KIAA0408: variants seen among roughly 807,000 people sequenced by gnomAD.
KIAA0408 encodes the protein uncharacterized protein KIAA0408.
A neutral mutation model predicts 60.9 loss-of-function variants in KIAA0408; 51 were observed. That is an observed-to-expected ratio of 0.84 (90% CI 0.67 to 1.06). KIAA0408 has a LOEUF of 1.06. Ranked by LOEUF, KIAA0408 falls within the 50% of genes least tolerant of loss-of-function variation. The pLI, the probability that KIAA0408 is intolerant of heterozygous loss-of-function variation, is 0.00. For missense variants in KIAA0408, 787 were observed against 833.9 expected, an observed-to-expected ratio of 0.94 and a Z score of 0.69; for synonymous variants, 304 against 282.4, an observed-to-expected ratio of 1.08 and a Z score of -0.77.
intron 4 of KIAA0408, among the ~76,000 whole-genome samples, chr6:127,449,122 C>T (rs915499786): frequency 3.9e-5 from 6 of 152,080 alleles, no homozygotes; most frequent in African/African-American, 7.2e-5. Context: ...ATAAGCAAAA[C>T]GCCACACTGT....
chr6:127,447,107 A>G lies in KIAA0408; in HGVS notation c.1212T>C (p.Asp404=). ...IPDHPAKSHP[D]LHVSNDCSSS... is the part of the protein sequence containing the mutation. ...AGCTACAGTCATTACTTACATGAAGATCAGGATGAGATTTAGCAGGGTGAT... is the reference window on the plus strand; with the variant it reads ...AGCTACAGTCATTACTTACATGAAGGTCAGGATGAGATTTAGCAGGGTGAT... Residue 404 remains aspartate (D), a synonymous_variant, in exon 5 of 6, where the codon GAT becomes GAC. Transcript: ENST00000483725. The G allele has an allele frequency of 6.2e-7, 1 of 1,613,936 alleles. No individual in the cohort carries two copies. The highest frequency in any genetic ancestry group is 8.5e-7 in the Non-Finnish European group (1 of 1,179,988).
At chr6:127,455,303 C>A (rs1276158770) in intron 1 of KIAA0408, among the ~76,000 whole-genome samples, 1 of 152,118 alleles carries the variant, frequency 6.6e-6, no homozygotes, top group Non-Finnish European at 1.5e-5. Context: ...GGACAAAGAT[C>A]CCAACAGTCA....
chr6:127,453,079 A>C (rs1773329613), intron 2 of KIAA0408, among the ~76,000 whole-genome samples: 3 of 152,114 alleles, frequency 2.0e-5, no homozygotes, highest in African/African-American at 7.2e-5. Flanking sequence ...TTAAAATAAC[A>C]ACTTTGGTAA....
intron 2 of KIAA0408, chr6:127,451,335 T>C (rs1332022725): frequency 4.4e-6 from 2 of 455,524 alleles, no homozygotes; most frequent in Admixed American, 4.7e-5. Context: ...ATATACAGTG[T>C]ATTTATTTTT....
rs1224837328 is a variant in KIAA0408 at position 127,447,166 on chromosome 6, G to A, written c.1153C>T (p.Pro385Ser). 2.5e-6 allele frequency: 4 copies of A among 1,612,926 alleles called. No homozygotes were observed. Among genetic ancestry groups the A allele is most frequent in the African/African-American group, 2.7e-5 (2 of 74,844 alleles). Residue 385 changes from proline (P) to serine (S), a missense_variant, in exon 5 of 6, where the codon CCC becomes TCC. Pro to Ser is a moderately conservative substitution (Grantham distance 74, BLOSUM62 -1). Coordinates refer to ENST00000483725, the MANE Select transcript of KIAA0408 (RefSeq NM_014702.5). ...ACCATTTCATATTTTGGATTACTGG[G>A]GGTAGAGCAGGTTTTCTGAAACCAC... Reference protein sequence around the residue: ...TSWFQKTCSTPSNPKYEMVIP... With the variant: ...TSWFQKTCSTSSNPKYEMVIP...
chr6:127,447,593 A>G lies in KIAA0408; in HGVS notation c.726T>C (p.Asn242=), dbSNP rs1375825503. 1.2e-6 allele frequency: 2 copies of G among 1,613,192 alleles called. No homozygotes were observed. The highest frequency in any genetic ancestry group is 2.2e-5 in the South Asian group (2 of 90,886). The change falls in exon 5 of 6, where the codon AAT becomes AAC. Residue 242 remains asparagine (N), a synonymous_variant. Coordinates refer to ENST00000483725, the MANE Select transcript of KIAA0408 (RefSeq NM_014702.5). Reference sequence around the variant, plus strand: ...TTTTCGTAGAATTGCTCTGGAGCACATTGGTACAGCTCAGATTCTTCCTGT... The same window carrying G: ...TTTTCGTAGAATTGCTCTGGAGCACGTTGGTACAGCTCAGATTCTTCCTGT... ...QKNRKNLSCT[N]VLQSNSTKKC... is the part of the protein sequence containing the mutation.
At chr6:127,445,997 C>A (rs1439825620) in intron 5 of KIAA0408, among the ~76,000 whole-genome samples, 1 of 151,926 alleles carries the variant, frequency 6.6e-6, no homozygotes, top group African/African-American at 2.4e-5. Flanking sequence ...AATGACTGAA[C>A]CAATCATAGT....
At chr6:127,445,761 C>G (rs1315818522) in intron 5 of KIAA0408, among the ~76,000 whole-genome samples, 2 of 151,842 alleles carry the variant, frequency 1.3e-5, no homozygotes, top group Non-Finnish European at 2.9e-5. Context: ...TAGACAGGAA[C>G]AAAAAAAGAT....
At position 127,440,796 on chromosome 6, in the gene KIAA0408, A is replaced by G. The variant is rs1562366946; in HGVS notation, c.*3313T>C. 1.3e-5 allele frequency: 2 copies of G among 152,280 alleles called. No homozygotes were observed. Among genetic ancestry groups the G allele is most frequent in the Non-Finnish European group, 2.9e-5 (2 of 68,040 alleles). 9.4% of individuals were successfully genotyped at this position (152,280 alleles called of 1,614,324 possible). A position where few individuals can be genotyped will look rare whatever the true frequency, so the allele number is the denominator to read the frequency against. ...TCAAAGAAGACTTTTATCAGACTCA[A>G]TTAGCAGTTAAATGGGTAGAGAGAG... On this transcript the variant is annotated 3_prime_UTR_variant, in exon 6 of 6. Coordinates refer to ENST00000483725, the MANE Select transcript of KIAA0408 (RefSeq NM_014702.5).
intron 2 of KIAA0408, 109 bp from the exon 3 acceptor site, chr6:127,450,461 T>C (rs1406196395): frequency 1.4e-6 from 2 of 1,425,954 alleles, no homozygotes; most frequent in Admixed American, 2.9e-5. Flanking sequence ...TATTAAAATA[T>C]ACTTCCTGGG....
intron 4 of KIAA0408, among the ~76,000 whole-genome samples, chr6:127,447,973 T>A (rs932465697): frequency 6.6e-6 from 1 of 152,160 alleles, no homozygotes; most frequent in African/African-American, 2.4e-5. Context: ...TCAAACTCTT[T>A]CCAAACTTGT....
intron 1 of KIAA0408, among the ~76,000 whole-genome samples, chr6:127,456,789 G>C (rs965059991): frequency 6.6e-6 from 1 of 151,970 alleles, no homozygotes; most frequent in Non-Finnish European, 1.5e-5. Context: ...AGTGGTGGGG[G>C]GGGGGCATAG....
At chr6:127,444,350 T>A in intron 5 of KIAA0408, 68 bp from the exon 6 acceptor site, 1 of 1,239,804 alleles carries the variant, frequency 8.1e-7, no homozygotes, top group Non-Finnish European at 1.1e-6. Flanking sequence ...ATATGATGGG[T>A]CTCAACTATA....
At position 127,441,060 on chromosome 6, in the gene KIAA0408, A is replaced by G. The variant is rs1773100974; in HGVS notation, c.*3049T>C. The G allele has an allele frequency of 6.6e-6, 1 of 152,218 alleles. No individual in the cohort carries two copies. The highest frequency in any genetic ancestry group is 6.5e-5 in the Admixed American group (1 of 15,282). 9.4% of individuals were successfully genotyped at this position (152,218 alleles called of 1,614,324 possible). On this transcript the variant is annotated 3_prime_UTR_variant, in exon 6 of 6. Coordinates refer to ENST00000483725, the MANE Select transcript of KIAA0408 (RefSeq NM_014702.5). Reference sequence around the variant, plus strand: ...GCCACAGACAGTTGTTTTTACACCTACTTTATTTGATAGCTTCTAATGGCT... The same window carrying G: ...GCCACAGACAGTTGTTTTTACACCTGCTTTATTTGATAGCTTCTAATGGCT...
chr6:127,440,183 T>C lies in KIAA0408; in HGVS notation c.*3926A>G, dbSNP rs900602843. The C allele has an allele frequency of 2.0e-5, 3 of 152,192 alleles. No homozygotes were observed. Among genetic ancestry groups the C allele is most frequent in the Admixed American group, 1.3e-4 (2 of 15,278 alleles). The allele number at this position is 152,192 out of a possible 1,614,324, so 9.4% of individuals were successfully genotyped here. A position where few individuals can be genotyped will look rare whatever the true frequency, so the allele number is the denominator to read the frequency against. On this transcript the variant is annotated 3_prime_UTR_variant, in exon 6 of 6. Coordinates refer to ENST00000483725, the MANE Select transcript of KIAA0408 (RefSeq NM_014702.5). ...AATTATTTTCTATGATGAATATGCA[T>C]ACAATAAAAATGACGAGAAATCATT...
chr6:127,446,264 A>G, intron 5 of KIAA0408, 144 bp downstream of exon 5: 1 of 1,402,298 alleles, frequency 7.1e-7, no homozygotes, highest in South Asian at 1.4e-5. Context: ...GTTGAGTTAT[A>G]TTTATTTACA....
In KIAA0408 at chr6:127,438,461, G is replaced by A. The variant is rs1286559679; in HGVS notation, c.*5648C>T. On this transcript the variant is annotated 3_prime_UTR_variant, in exon 6 of 6. Coordinates refer to ENST00000483725, the MANE Select transcript of KIAA0408 (RefSeq NM_014702.5). The stretch of plus-strand genomic sequence containing the variant: ...ATAAAATTGCCATGAGTAAGTAATT[G>A]AAAAATAAAGCTTCAAAAATAAACT... 1 of 152,126 alleles carries A rather than the reference G, an allele frequency of 6.6e-6. No individual in the cohort carries two copies. Among genetic ancestry groups the A allele is most frequent in the Non-Finnish European group, 1.5e-5 (1 of 68,016 alleles). The allele number at this position is 152,126 out of a possible 1,614,324, so 9.4% of individuals were successfully genotyped here.
At chr6:127,451,331 A>C (rs189219759) in intron 2 of KIAA0408, 1 of 455,650 alleles carries the variant, frequency 2.2e-6, no homozygotes, top group Non-Finnish European at 4.4e-6. Context: ...AAAAATATAC[A>C]GTGTATTTAT....
intron 2 of KIAA0408, among the ~76,000 whole-genome samples, chr6:127,452,124 C>T (rs1286520605): frequency 2.0e-5 from 3 of 152,152 alleles, no homozygotes; most frequent in East Asian, 1.9e-4. Context: ...ATAGCCAACA[C>T]TGCATCCTCT....
Sources: gnomAD v4.1 joint callset for allele counts (sites outside exome capture counted in the v4.1 genomes callset) on GRCh38, gnomAD v4.1.1 for gene constraint, MANE v1.5 for transcripts, NCBI Gene and HGNC (gene_info 2026-07-23, HGNC 2026-07-21) for gene names.